The following CACNA2D3 variants were observed in gnomAD, a reference collection of about 807,000 sequenced individuals.
CACNA2D3 encodes calcium voltage-gated channel auxiliary subunit alpha2delta 3.
CACNA2D3 carries 60 observed loss-of-function variants against 160.6 expected under a neutral mutation model. The ratio of observed to expected loss-of-function variants is 0.37; its 90% confidence interval spans 0.30 to 0.46. CACNA2D3 has a LOEUF of 0.46. Ranked by LOEUF, CACNA2D3 falls within the 20% of genes least tolerant of loss-of-function variation. The probability of loss-of-function intolerance (pLI) is 1.00; values close to 1 mark genes in which losing one functional copy is unlikely to be tolerated. For missense variants in CACNA2D3, 1,205 were observed against 1,365.0 expected, an observed-to-expected ratio of 0.88 and a Z score of 1.85; for synonymous variants, 558 against 492.9, an observed-to-expected ratio of 1.13 and a Z score of -1.75.
chr3:54,521,276 T>C (rs1278136889), intron 5 of CACNA2D3, among the ~76,000 whole-genome samples: 1 of 152,236 alleles, frequency 6.6e-6, no homozygotes, highest in East Asian at 1.9e-4. Flanking sequence ...GTGGTTTTGA[T>C]TTGTATTTCT....
chr3:55,025,634 CAAAAAAAA>C (rs10717273), intron 35 of CACNA2D3, among the ~76,000 whole-genome samples: 3 of 63,286 alleles, frequency 4.7e-5, no homozygotes, highest in Non-Finnish European at 8.6e-5. Flanking sequence ...ACTCTATCTC[CAAAAAAAA>C]AAAAAAAAAA....
chr3:54,503,689 G>A (rs1345203059), intron 5 of CACNA2D3, 35 bp downstream of exon 5: 2 of 1,595,140 alleles, frequency 1.3e-6, no homozygotes, highest in Non-Finnish European at 8.6e-7. Flanking sequence ...TTTAGAAGGT[G>A]AAGAATCAGG....
intron 2 of CACNA2D3, among the ~76,000 whole-genome samples, chr3:54,306,716 A>G (rs61656949): frequency 0.088 from 13,424 of 152,208 alleles, 825 homozygotes; most frequent in South Asian, 0.14. Context: ...AGATCGTGGC[A>G]GTGCCTGATT....
intron 2 of CACNA2D3, among the ~76,000 whole-genome samples, chr3:54,263,451 T>A (rs1702440689): frequency 6.6e-6 from 1 of 152,192 alleles, no homozygotes; most frequent in Non-Finnish European, 1.5e-5. Flanking sequence ...GAAGAGGGAA[T>A]CTGAGGCATG....
At chr3:54,500,087 T>C (rs1372562770) in intron 4 of CACNA2D3, among the ~76,000 whole-genome samples, 1 of 152,210 alleles carries the variant, frequency 6.6e-6, no homozygotes, top group East Asian at 1.9e-4. Context: ...AGATGCATAC[T>C]ACATTAAGGA....
chr3:55,028,593 G>A (rs939167185), intron 35 of CACNA2D3, among the ~76,000 whole-genome samples: 1 of 152,128 alleles, frequency 6.6e-6, no homozygotes, highest in Non-Finnish European at 1.5e-5. Context: ...TGCCAAGAAA[G>A]AGATTCACAA....
chr3:54,584,492 G>A (rs960753853), intron 9 of CACNA2D3, among the ~76,000 whole-genome samples: 5 of 152,048 alleles, frequency 3.3e-5, no homozygotes, highest in South Asian at 4.2e-4. Flanking sequence ...GAACAACAGC[G>A]AGAAAATAGA....
chr3:54,855,250 T>C (rs528519857), intron 17 of CACNA2D3, among the ~76,000 whole-genome samples: 1 of 152,306 alleles, frequency 6.6e-6, no homozygotes, highest in African/African-American at 2.4e-5. Context: ...CCTCTGGGAC[T>C]GGCTGCACCC....
At chr3:54,635,303 A>G (rs542870190) in intron 10 of CACNA2D3, among the ~76,000 whole-genome samples, 4 of 152,036 alleles carry the variant, frequency 2.6e-5, no homozygotes, top group African/African-American at 7.3e-5. Context: ...GAAATTCAGC[A>G]TAGTCCTGCC....
chr3:54,626,548 G>T, intron 9 of CACNA2D3: 4 of 1,601,162 alleles, frequency 2.5e-6, no homozygotes, highest in Non-Finnish European at 3.4e-6. Flanking sequence ...CGAGATGATC[G>T]ACCACTACCT....
At chr3:55,025,442 G>A (rs1703545383) in intron 35 of CACNA2D3, among the ~76,000 whole-genome samples, 1 of 151,844 alleles carries the variant, frequency 6.6e-6, no homozygotes, top group African/African-American at 2.4e-5. Flanking sequence ...GCCCAGCCTG[G>A]CCAATATGGT....
chr3:54,648,633 C>T (rs547203117), intron 11 of CACNA2D3, among the ~76,000 whole-genome samples: 3 of 152,288 alleles, frequency 2.0e-5, no homozygotes, highest in South Asian at 2.1e-4. Flanking sequence ...GTCCATTCTG[C>T]GTTAGCATAA....
chr3:54,377,404 G>T (rs878923271), intron 3 of CACNA2D3, among the ~76,000 whole-genome samples: 2 of 152,208 alleles, frequency 1.3e-5, no homozygotes, highest in Admixed American at 1.3e-4. Flanking sequence ...GTTGTTCCAA[G>T]TTCTCCCTAT....
chr3:54,382,342 C>G (rs1352424234), intron 3 of CACNA2D3, among the ~76,000 whole-genome samples: 2 of 152,110 alleles, frequency 1.3e-5, no homozygotes, highest in Non-Finnish European at 2.9e-5. Context: ...AAACGTATTT[C>G]ATTGGACTTA....
intron 4 of CACNA2D3, among the ~76,000 whole-genome samples, chr3:54,460,122 C>T (rs1287900559): frequency 1.3e-5 from 2 of 151,394 alleles, no homozygotes; most frequent in African/African-American, 4.9e-5. Context: ...TGTTCTGTTC[C>T]ATTGATCTAT....
At chr3:54,742,542 A>G (rs1033356667) in intron 11 of CACNA2D3, among the ~76,000 whole-genome samples, 1 of 152,224 alleles carries the variant, frequency 6.6e-6, no homozygotes, top group Non-Finnish European at 1.5e-5. Flanking sequence ...TTTGGTAACC[A>G]CTGCTTTGTG....
intron 31 of CACNA2D3, among the ~76,000 whole-genome samples, chr3:54,990,879 T>C (rs1702723557): frequency 6.6e-6 from 1 of 152,170 alleles, no homozygotes; most frequent in Admixed American, 6.5e-5. Flanking sequence ...CTTGAAAGAA[T>C]TTTGAGAAAG....
At chr3:54,754,029 G>A (rs901654055) in intron 12 of CACNA2D3, among the ~76,000 whole-genome samples, 1 of 152,070 alleles carries the variant, frequency 6.6e-6, no homozygotes, top group African/African-American at 2.4e-5. Context: ...TCTTATTAAC[G>A]AAATGGTGCA....
At chr3:55,009,303 G>A (rs192793193) in intron 33 of CACNA2D3, 85 bp from the exon 34 acceptor site, 28 of 1,172,730 alleles carry the variant, frequency 2.4e-5, no homozygotes, top group Middle Eastern at 1.9e-4. Flanking sequence ...TGAGGTAAGC[G>A]ATGCCAAAGA....
Sources: allele counts gnomAD v4.1 joint callset (sites outside exome capture counted in the v4.1 genomes callset), GRCh38; gene constraint gnomAD v4.1.1; transcripts MANE v1.5; gene names NCBI Gene and HGNC (gene_info 2026-07-23, HGNC 2026-07-21).